Variants in JAK2 observed in about 807,000 individuals in gnomAD.
The protein encoded by JAK2 is tyrosine-protein kinase JAK2.
JAK2 carries 86 observed loss-of-function variants against 139.3 expected under a neutral mutation model. That is an observed-to-expected ratio of 0.62 (90% CI 0.52 to 0.74). JAK2 has a LOEUF of 0.74. Among genes scored for constraint, JAK2 ranks in the 30% least tolerant of loss-of-function variants. JAK2 has a pLI of 0.00. For missense variants in JAK2, 1,421 were observed against 1,360.3 expected, an observed-to-expected ratio of 1.04 and a Z score of -0.70; for synonymous variants, 490 against 437.7, an observed-to-expected ratio of 1.12 and a Z score of -1.49.
At chr9:5,034,659 C>A (rs9886891) in intron 4 of JAK2, among the ~76,000 whole-genome samples, 15,985 of 151,448 alleles carry the variant, frequency 0.11, 2,475 homozygotes, top group African/African-American at 0.34. Context: ...AACGAAATGA[C>A]GGCAGAAATA....
At chr9:5,110,821 G>A (rs1178567794) in intron 22 of JAK2, 3 of 441,534 alleles carry the variant, frequency 6.8e-6, no homozygotes, top group African/African-American at 2.0e-5. Flanking sequence ...CTGCTGCATC[G>A]CCCGTTTGTT....
At chr9:5,014,257 G>C (rs1821902675) in intron 2 of JAK2, among the ~76,000 whole-genome samples, 1 of 150,458 alleles carries the variant, frequency 6.6e-6, no homozygotes, top group Admixed American at 6.6e-5. Flanking sequence ...TCTCACCTTG[G>C]CTTCCCAGAG....
intron 22 of JAK2, chr9:5,114,718 AG>A (rs1822983927): frequency 2.6e-6 from 1 of 382,212 alleles, no homozygotes; most frequent in South Asian, 2.1e-5. Flanking sequence ...GAATGGGAAC[AG>A]AAAAACGAGT....
chr9:5,094,125 T>A (rs1395896777), intron 22 of JAK2: 3 of 152,132 alleles, frequency 2.0e-5, no homozygotes, highest in African/African-American at 7.2e-5. Flanking sequence ...CTTTTCCTAC[T>A]TATATTCCCA....
rs192460686 is a variant in JAK2, at chr9:5,043,248, A to G, written c.351-1155A>G. Among the ~76,000 whole-genome samples, 6 of 152,270 alleles carry G rather than the reference A, an allele frequency of 3.9e-5. No individual in the cohort carries two copies. In the East Asian group the frequency reaches 1.2e-3, roughly 29 times the overall value. On this transcript the variant is annotated intron_variant, in intron 4 of 24. Transcript: ENST00000381652. ...CGTGAGTCTGGTTTTTGCTTTACCAAGTGTACGGAAATGGCGTTTACGTTT... is the reference window on the plus strand; with the variant it reads ...CGTGAGTCTGGTTTTTGCTTTACCAGGTGTACGGAAATGGCGTTTACGTTT...
At position 5,054,592 on chromosome 9, in the gene JAK2, G is replaced by A. The variant is rs749863048; in HGVS notation, c.644G>A (p.Arg215Gln). ...AAGACATTCTTACCAAAATGTATTCGAGCAAAGATCCAAGACTATCATATT... is the reference window on the plus strand; with the variant it reads ...AAGACATTCTTACCAAAATGTATTCAAGCAAAGATCCAAGACTATCATATT... The part of the protein sequence containing the change: ...SYKTFLPKCI[R>Q]AKIQDYHILT... The change falls in exon 7 of 25, where the codon CGA becomes CAA. Residue 215 changes from arginine to glutamine, a missense_variant. Physicochemically the swap from Arg to Gln is conservative, Grantham distance 43. Transcript: ENST00000381652. The surrounding 1 kb of genome is among the most constrained non-coding windows in gnomAD (Gnocchi z 4.9). The A allele has an allele frequency of 1.0e-5, 16 of 1,594,630 alleles. No individual in the cohort carries two copies. The highest frequency in any genetic ancestry group is 4.1e-5 in the African/African-American group (3 of 73,964).
At position 5,080,360 on chromosome 9, in the gene JAK2, A is replaced by G. The variant is rs1302643316; in HGVS notation, c.2263A>G (p.Ser755Gly). Residue 755 changes from serine to glycine, a missense_variant, in exon 17 of 25, where the codon AGT becomes GGT. Coordinates refer to ENST00000381652, the MANE Select transcript of JAK2 (RefSeq NM_004972.4). ...EICSGGDKPL[S>G]ALDSQRKLQF... ...CTGCAGTGGAGGAGATAAACCTCTA[A>G]GTGCTCTGGATTCTCAAAGAGTAAG... 6.2e-7 allele frequency: 1 copy of G among 1,613,466 alleles called. No individual in the cohort carries two copies. The highest frequency in any genetic ancestry group is 8.5e-7 in the Non-Finnish European group (1 of 1,179,614).
intron 22 of JAK2, chr9:5,111,546 C>A: frequency 2.7e-6 from 1 of 368,458 alleles, no homozygotes; most frequent in South Asian, 2.1e-5. Context: ...TGTCCCGCCC[C>A]CTTCTACATG....
At position 5,085,265 on chromosome 9, in the gene JAK2, C is replaced by A. The variant is rs936384321; in HGVS notation, c.2571+3404C>A. 119 of 687,586 alleles carry A rather than the reference C, an allele frequency of 1.7e-4. 2 individuals are homozygous for A. In the Admixed American group the frequency reaches 2.1e-3, roughly 12 times the overall value. 42.6% of individuals were successfully genotyped at this position (687,586 alleles called of 1,614,324 possible). A position where few individuals can be genotyped will look rare whatever the true frequency, so the allele number is the denominator to read the frequency against. The stretch of plus-strand genomic sequence containing the variant: ...CCAGTGGCTAACCTGAGATTCACAT[C>A]AGCTGATGTTGGTTTGCCTATGTTA... On this transcript the variant is annotated intron_variant, in intron 19 of 24. Transcript: ENST00000381652.
intron 22 of JAK2, chr9:5,096,750 G>A (rs1821024976): frequency 6.6e-6 from 1 of 152,170 alleles, no homozygotes; most frequent in Admixed American, 6.5e-5. Context: ...AGTGGGGATA[G>A]TGGGTACCTC....
intron 22 of JAK2, among the ~76,000 whole-genome samples, chr9:5,121,387 G>A (rs887456938): frequency 6.6e-6 from 1 of 152,118 alleles, no homozygotes; most frequent in Non-Finnish European, 1.5e-5. Context: ...TGCCACATAC[G>A]TAGTTTATTC....
chr9:5,042,020 C>T (rs950554905), intron 4 of JAK2: 4 of 322,970 alleles, frequency 1.2e-5, no homozygotes, highest in East Asian at 9.0e-5. Flanking sequence ...CGGCCCAGGG[C>T]CAGACGCTGG....
intron 22 of JAK2, among the ~76,000 whole-genome samples, chr9:5,103,327 C>A (rs973442331): frequency 1.9e-4 from 27 of 141,664 alleles, no homozygotes; most frequent in African/African-American, 8.0e-4. Flanking sequence ...ACAAAAAAGG[C>A]CATTACATAA....
chr9:5,098,127 G>A (rs1256711555), intron 22 of JAK2: 1 of 152,068 alleles, frequency 6.6e-6, no homozygotes, highest in East Asian at 1.9e-4. Context: ...CAACCATCTA[G>A]TAATTTAGAG....
chr9:5,024,243 G>A (rs770896699), intron 3 of JAK2, among the ~76,000 whole-genome samples: 7 of 151,996 alleles, frequency 4.6e-5, no homozygotes, highest in Non-Finnish European at 7.4e-5. Flanking sequence ...GCGACAGAGC[G>A]AGACTCCATC....
At chr9:4,996,521 A>G (rs1003526807) in intron 2 of JAK2, among the ~76,000 whole-genome samples, 1 of 151,990 alleles carries the variant, frequency 6.6e-6, no homozygotes, top group African/African-American at 2.4e-5. Context: ...TCTTATTTAT[A>G]TGTATAATTT....
At chr9:5,033,971 T>A (rs957432780) in intron 4 of JAK2, among the ~76,000 whole-genome samples, 2 of 152,126 alleles carry the variant, frequency 1.3e-5, no homozygotes, top group African/African-American at 4.8e-5. Flanking sequence ...TCAAGACCCA[T>A]CAGTGTGCTG....
intron 5 of JAK2, 50 bp downstream of exon 5, chr9:5,044,570 G>A (rs377007907): frequency 2.6e-5 from 30 of 1,164,808 alleles, no homozygotes; most frequent in Non-Finnish European, 3.7e-5. Context: ...TAAATATCTT[G>A]CTGTTTAATA....
At chr9:5,003,987 A>C (rs1821100671) in intron 2 of JAK2, among the ~76,000 whole-genome samples, 1 of 152,106 alleles carries the variant, frequency 6.6e-6, no homozygotes, top group Non-Finnish European at 1.5e-5. Flanking sequence ...ATAATGTAAA[A>C]TATATTGACT....
Sources: gnomAD v4.1 joint callset for allele counts (sites outside exome capture counted in the v4.1 genomes callset) on GRCh38, gnomAD v4.1.1 for gene constraint, Gnocchi (gnomAD v3.1) non-coding constraint, MANE v1.5 for transcripts, NCBI Gene and HGNC (gene_info 2026-07-23, HGNC 2026-07-21) for gene names.